The following MTAP variants were observed in gnomAD, a reference collection of about 807,000 sequenced individuals.
The protein encoded by MTAP is methylthioadenosine phosphorylase, also known as S-methyl-5'-thioadenosine phosphorylase.
In MTAP, 33 loss-of-function variants were observed where a neutral mutation model predicts 33.6. That is an observed-to-expected ratio of 0.98 (90% confidence interval 0.74 to 1.31). The LOEUF is 1.31. MTAP is among the 40% of genes most tolerant of loss of function. The pLI, the probability that MTAP is intolerant of heterozygous loss-of-function variation, is 0.00. For synonymous variants in MTAP, 148 were observed against 125.7 expected (o/e 1.18, Z -1.19); for missense variants, 367 against 360.0 (o/e 1.02, Z -0.16).
intron 6 of MTAP, among the ~76,000 whole-genome samples, chr9:21,855,840 C>T (rs1053990336): frequency 7.2e-5 from 11 of 152,160 alleles, no homozygotes; most frequent in Admixed American, 6.5e-4. Flanking sequence ...TATTTCTCCC[C>T]TGCCCTCATT....
chr9:21,809,663 T>C (rs897437072), intron 1 of MTAP, among the ~76,000 whole-genome samples: 1 of 151,872 alleles, frequency 6.6e-6, no homozygotes, highest in Non-Finnish European at 1.5e-5. Flanking sequence ...GAAAGAAATT[T>C]ATGGTCTAGG....
chr9:21,820,731 A>G (rs1243569101), intron 4 of MTAP, among the ~76,000 whole-genome samples: 1 of 152,188 alleles, frequency 6.6e-6, no homozygotes, highest in Non-Finnish European at 1.5e-5. Flanking sequence ...GGCCATTTTC[A>G]TGATATTGAT....
rs1210810056 is a variant in MTAP at position 21,864,590 on chromosome 9, G to A, written c.*2576G>A. On this transcript the variant is annotated 3_prime_UTR_variant, in exon 8 of 8. Coordinates refer to ENST00000644715, the MANE Select transcript of MTAP (RefSeq NM_002451.4). ...ATGACATCCTGGCCCTGTGGTCCCC[G>A]AGGGTCATGGTCCTTGTGACCTGGC... The A allele has an allele frequency of 7.1e-6, 7 of 985,468 alleles. No individual in the cohort carries two copies. Among genetic ancestry groups the A allele is most frequent in the East Asian group, 2.3e-4 (2 of 8,808 alleles). The allele number at this position is 985,468 out of a possible 1,614,324, so 61.0% of individuals were successfully genotyped here.
chr9:21,905,400 G>A (rs986825479), intron 1 of MTAP, among the ~76,000 whole-genome samples: 2 of 150,546 alleles, frequency 1.3e-5, no homozygotes, highest in Non-Finnish European at 3.0e-5. Flanking sequence ...GTATCAAATA[G>A]ACTGCAGTTT....
chr9:21,867,505 C>A (rs1563853679), downstream of MTAP, among the ~76,000 whole-genome samples: 1 of 152,008 alleles, frequency 6.6e-6, no homozygotes, highest in South Asian at 2.1e-4. Context: ...CTGATATAAA[C>A]CATACTTAGT....
chr9:21,930,905 T>G, intron 1 of MTAP: 1 of 639,806 alleles, frequency 1.6e-6, no homozygotes, highest in South Asian at 1.8e-5. Flanking sequence ...TTCCCTGGGT[T>G]CTTCCCTTTT....
chr9:21,862,924 A>C lies in MTAP; in HGVS notation c.*910A>C, dbSNP rs1044308478. 4.1e-6 allele frequency: 4 copies of C among 976,386 alleles called. No homozygotes were observed. The African/African-American group carries it at 7.0e-5, about 17-fold the overall frequency. The allele number at this position is 976,386 out of a possible 1,614,324, so 60.5% of individuals were successfully genotyped here. ...TAATCAAATAGTAAAGTTGTTGTAA[A>C]AATAAAAGTGGATTTAGAAAGATCC... On this transcript the variant is annotated 3_prime_UTR_variant, in exon 8 of 8. Coordinates refer to ENST00000644715, the MANE Select transcript of MTAP (RefSeq NM_002451.4).
downstream of MTAP, chr9:21,937,793 G>A (rs1481346093): frequency 6.6e-6 from 1 of 152,074 alleles, no homozygotes; most frequent in Non-Finnish European, 1.5e-5. Flanking sequence ...AAGCTAAGTA[G>A]GATTTTCCAG....
At chr9:21,938,142 C>A (rs777933031), downstream of MTAP, among the ~76,000 whole-genome samples, 5 of 152,138 alleles carry the variant, frequency 3.3e-5, no homozygotes, top group South Asian at 1.0e-3. Context: ...GGCATGGCGG[C>A]GTGTGCCTGT....
Position 21,864,733 on chromosome 9 carries a change from G to A in MTAP, c.*2719G>A. On this transcript the variant is annotated 3_prime_UTR_variant, in exon 8 of 8. Coordinates refer to ENST00000644715, the MANE Select transcript of MTAP (RefSeq NM_002451.4). ...GTGGCACCCTCAGGAGTGGAGGACA[G>A]TGAACTTCCTTGAAGAGGGAGTGAC... 1.0e-6 allele frequency: 1 copy of A among 985,386 alleles called. No homozygotes were observed. The highest frequency in any genetic ancestry group is 1.2e-6 in the Non-Finnish European group (1 of 829,950). 61.0% of individuals were successfully genotyped at this position (985,386 alleles called of 1,614,324 possible).
At chr9:21,813,976 C>G (rs1452018397) in intron 1 of MTAP, 3 of 152,248 alleles carry the variant, frequency 2.0e-5, no homozygotes, top group Admixed American at 6.5e-5. Context: ...AGCTATAATA[C>G]TGGTTACTCT....
At chr9:21,822,899 T>C (rs2118126738) in intron 4 of MTAP, among the ~76,000 whole-genome samples, 1 of 152,334 alleles carries the variant, frequency 6.6e-6, no homozygotes, top group Admixed American at 6.5e-5. Context: ...TCTTTGTCTC[T>C]TTTGATCTTT....
intron 6 of MTAP, among the ~76,000 whole-genome samples, chr9:21,855,071 G>A (rs539977230): frequency 6.2e-4 from 94 of 152,362 alleles, no homozygotes; most frequent in African/African-American, 2.1e-3. Context: ...CCAAGGATCA[G>A]TAGTGAAAAT....
intron 1 of MTAP, among the ~76,000 whole-genome samples, chr9:21,927,380 A>G (rs1818886727): frequency 6.6e-6 from 1 of 152,128 alleles, no homozygotes; most frequent in Admixed American, 6.5e-5. Context: ...CCCTTATTGG[A>G]TATAAAAAGA....
At chr9:21,892,019 AAACT>A (rs1818208905) in intron 1 of MTAP, among the ~76,000 whole-genome samples, 1 of 152,216 alleles carries the variant, frequency 6.6e-6, no homozygotes, top group African/African-American at 2.4e-5. Context: ...TTATCCAGCC[AAACT>A]AAGCTTCATA....
chr9:21,914,033 C>T (rs1258021315), intron 1 of MTAP, among the ~76,000 whole-genome samples: 2 of 152,160 alleles, frequency 1.3e-5, no homozygotes, highest in African/African-American at 4.8e-5. Context: ...TGAAAAAATG[C>T]TCATCATCAC....
In MTAP at chr9:21,865,321, G is replaced by A. The variant is rs41270139; in HGVS notation, c.*3307G>A. ...ACGTGTTTGTTTCCCCTTCTGCCAC[G>A]ATTGTAAGTTTCCTGAGGCCTTCCC... On this transcript the variant is annotated 3_prime_UTR_variant, in exon 8 of 8. Coordinates refer to ENST00000644715, the MANE Select transcript of MTAP (RefSeq NM_002451.4). 1.0e-4 allele frequency: 60 copies of A among 592,780 alleles called. No individual in the cohort carries two copies. Among genetic ancestry groups the A allele is most frequent in the Non-Finnish European group, 1.2e-4 (58 of 471,630 alleles). The allele number at this position is 592,780 out of a possible 1,614,324, so 36.7% of individuals were successfully genotyped here. A position where few individuals can be genotyped will look rare whatever the true frequency, so the allele number is the denominator to read the frequency against.
At chr9:21,936,398 CT>C (rs1819042048) in exon 8 of MTAP, 1 of 152,212 alleles carries the variant, frequency 6.6e-6, no homozygotes, top group Non-Finnish European at 1.5e-5. Flanking sequence ...ATAGTTCAGA[CT>C]GCTCTGGGCT....
intron 1 of MTAP, among the ~76,000 whole-genome samples, chr9:21,923,416 G>T (rs1023042078): frequency 1.2e-4 from 18 of 152,094 alleles, no homozygotes; most frequent in African/African-American, 4.4e-4. Context: ...TTCTTCCTTT[G>T]CCATTTGTGG....
Sources: allele counts gnomAD v4.1 joint callset (sites outside exome capture counted in the v4.1 genomes callset), GRCh38; gene constraint gnomAD v4.1.1; transcripts MANE v1.5; gene names NCBI Gene and HGNC (gene_info 2026-07-23, HGNC 2026-07-21).